Variants in FAT1 observed in about 807,000 individuals in gnomAD.
The protein encoded by FAT1 is protocadherin Fat 1.
A neutral mutation model predicts 329.8 loss-of-function variants in FAT1; 171 were observed. That is an observed-to-expected ratio of 0.52 (90% CI 0.46 to 0.59). The LOEUF (loss-of-function observed/expected upper bound fraction) is 0.59. Ranked by LOEUF, FAT1 falls within the 20% of genes least tolerant of loss-of-function variation. The pLI, the probability that FAT1 is intolerant of heterozygous loss-of-function variation, is 0.00. For synonymous variants in FAT1, 2,233 were observed against 2,228.6 expected, an observed-to-expected ratio of 1.00 and a Z score of -0.06; for missense variants, 5,672 against 5,774.4, an observed-to-expected ratio of 0.98 and a Z score of 0.57.
In FAT1 at chr4:186,708,705, C is replaced by G. The variant is rs1744780030; in HGVS notation, c.1123G>C (p.Glu375Gln). ...VKFEKDVYRA[E>Q]ISEFAPPNTP... ...TTGGGAGGAGCAAATTCACTTATTT[C>G]TGCTCTGTAAACATCCTTTTCAAAC... The change falls in exon 2 of 27, where the codon GAA becomes CAA. Residue 375 changes from glutamate to glutamine, a missense_variant. Glu to Gln is a conservative substitution (Grantham distance 29, BLOSUM62 2). Coordinates refer to ENST00000441802, the MANE Select transcript of FAT1 (RefSeq NM_005245.4). 6.2e-7 allele frequency: 1 copy of G among 1,613,908 alleles called. No homozygotes were observed. Among genetic ancestry groups the G allele is most frequent in the Non-Finnish European group, 8.5e-7 (1 of 1,179,882 alleles).
At chr4:186,689,799 G>A (rs1354930811) in intron 2 of FAT1, among the ~76,000 whole-genome samples, 9 of 152,068 alleles carry the variant, frequency 5.9e-5, no homozygotes, top group Non-Finnish European at 1.3e-4. Flanking sequence ...CACACGACTC[G>A]ACTCCGCACA....
intron 1 of FAT1, among the ~76,000 whole-genome samples, chr4:186,715,010 G>A (rs1264922216): frequency 2.0e-5 from 3 of 152,114 alleles, no homozygotes; most frequent in Admixed American, 6.5e-5. Flanking sequence ...CAAGGGAGAC[G>A]GAGGTTGCAC....
chr4:186,657,194 G>A (rs998542267), intron 3 of FAT1, among the ~76,000 whole-genome samples: 4 of 152,192 alleles, frequency 2.6e-5, no homozygotes, highest in Non-Finnish European at 5.9e-5. Flanking sequence ...AATGTTCACA[G>A]CGGATTTACA....
chr4:186,603,688 T>C lies in FAT1; in HGVS notation c.10838A>G (p.Asn3613Ser), dbSNP rs1738939724. 20 of 1,613,872 alleles carry C rather than the reference T, an allele frequency of 1.2e-5. No individual in the cohort carries two copies. Among genetic ancestry groups the C allele is most frequent in the South Asian group, 3.3e-5 (3 of 91,082 alleles). The change falls in exon 19 of 27, where the codon AAT becomes AGT. Residue 3613 changes from asparagine (N) to serine (S), a missense_variant. Around this residue, in one of 2 missense-constraint regions of FAT1, gnomAD observed 1,706 missense variants for 1,859.1 expected, o/e 0.92. Coordinates refer to ENST00000441802, the MANE Select transcript of FAT1 (RefSeq NM_005245.4). ...KKLDIGQYLL[N>S]VSVTDGKFTT... is the part of the protein sequence containing the mutation. ...GAACTTCCCATCTGTTACGCTGACA[T>C]TGAGAAGGTATTGCCCTATGTCTAG...
Position 186,618,637 on chromosome 4 carries a change from T to C in FAT1, c.7949A>G (p.Lys2650Arg), listed in dbSNP as rs1278712986. 1 of 1,613,940 alleles carries C rather than the reference T, an allele frequency of 6.2e-7. No individual in the cohort carries two copies. Among genetic ancestry groups the C allele is most frequent in the African/African-American group, 1.3e-5 (1 of 74,938 alleles). Residue 2650 changes from lysine (K) to arginine (R), a missense_variant, in exon 10 of 27, where the codon AAA (lysine) becomes AGA (arginine). By Grantham distance (26) the Lys-to-Arg change is conservative (BLOSUM62 2). Transcript: ENST00000441802. ...CTTTGTAGTGATTACGCCGGACAGTTTGTTAATTTCCAAATTCTCTTTTAC... is the reference window on the plus strand; with the variant it reads ...CTTTGTAGTGATTACGCCGGACAGTCTGTTAATTTCCAAATTCTCTTTTAC... The part of the protein sequence containing the change: ...ESVKENLEIN[K>R]LSGVITTKES...
At chr4:186,627,981 TAA>T (rs146547583) in intron 9 of FAT1, among the ~76,000 whole-genome samples, 171 bp downstream of exon 9, 1 of 146,372 alleles carries the variant, frequency 6.8e-6, no homozygotes. Context: ...GGCTAAAAGT[TAA>T]AAAAAAAAAA....
chr4:186,589,359 G>C, intron 26 of FAT1, 139 bp from the exon 27 acceptor site: 1 of 981,856 alleles, frequency 1.0e-6, no homozygotes, highest in Non-Finnish European at 1.5e-6. Context: ...GAAATTCCTC[G>C]TCTTTGCTTT....
chr4:186,721,983 C>T (rs963438004), intron 1 of FAT1, among the ~76,000 whole-genome samples: 1 of 152,148 alleles, frequency 6.6e-6, no homozygotes, highest in Non-Finnish European at 1.5e-5. Flanking sequence ...GGATTACAGG[C>T]ATGCACCACC....
chr4:186,681,580 C>T (rs1743207145), intron 2 of FAT1, among the ~76,000 whole-genome samples: 1 of 152,182 alleles, frequency 6.6e-6, no homozygotes, highest in African/African-American at 2.4e-5. Context: ...TAGCAGTGCT[C>T]TAAAGTGAAA....
At chr4:186,635,148 C>T (rs1740768444) in intron 6 of FAT1, among the ~76,000 whole-genome samples, 1 of 152,168 alleles carries the variant, frequency 6.6e-6, no homozygotes. Flanking sequence ...GCCTGACATG[C>T]CCAGTGGTCT....
intron 7 of FAT1, among the ~76,000 whole-genome samples, chr4:186,631,664 C>T (rs939463679): frequency 1.3e-5 from 2 of 151,230 alleles, no homozygotes; most frequent in Non-Finnish European, 2.9e-5. Flanking sequence ...CCTAGTCTCT[C>T]GCCGCCCAGC....
intron 3 of FAT1, among the ~76,000 whole-genome samples, chr4:186,660,456 C>T (rs1374866481): frequency 6.6e-6 from 1 of 152,204 alleles, no homozygotes; most frequent in Non-Finnish European, 1.5e-5. Context: ...GACTTCTTTA[C>T]TAACCACAGA....
chr4:186,609,302 C>A lies in FAT1; in HGVS notation c.10087G>T (p.Asp3363Tyr). ...SVITVMADDA[D>Y]GPSNSHIHYS... ...TGGATGTGGCTGTTGGAAGGTCCAT[C>A]GGCATCATCGGCCATAACCTAGAAC... Residue 3363 changes from aspartate (D) to tyrosine (Y), a missense_variant, in exon 16 of 27, where the codon GAT (aspartate) becomes TAT (tyrosine). Coordinates refer to ENST00000441802, the MANE Select transcript of FAT1 (RefSeq NM_005245.4). 6.2e-7 allele frequency: 1 copy of A among 1,613,982 alleles called. No individual in the cohort carries two copies. The highest frequency in any genetic ancestry group is 8.5e-7 in the Non-Finnish European group (1 of 1,179,882).
chr4:186,599,426 C>G (rs1738687021), intron 22 of FAT1, among the ~76,000 whole-genome samples: 1 of 152,192 alleles, frequency 6.6e-6, no homozygotes, highest in Non-Finnish European at 1.5e-5. Flanking sequence ...GGCTTCAAGA[C>G]AGACAGATAT....
At position 186,597,162 on chromosome 4, in the gene FAT1, A is replaced by T. The variant is rs947097391; in HGVS notation, c.12378T>A (p.Ser4126Arg). The T allele has an allele frequency of 3.7e-6, 6 of 1,603,502 alleles. No homozygotes were observed. Among genetic ancestry groups the T allele is most frequent in the Non-Finnish European group, 5.1e-6 (6 of 1,174,520 alleles). Residue 4126 changes from serine (S) to arginine (R), a missense_variant, in exon 25 of 27, where the codon AGT becomes AGA. This residue lies in a region of FAT1 where 1,706 missense variants were observed against 1,859.1 expected (regional missense o/e 0.92). Coordinates refer to ENST00000441802, the MANE Select transcript of FAT1 (RefSeq NM_005245.4). ...DSGFRGERCQ[S>R]DIDECSGNPC... ...GGTTTCCAGAGCACTCGTCGATATC[A>T]CTCTGACACCTGCCAAGGAAGTCAG...
intron 3 of FAT1, among the ~76,000 whole-genome samples, chr4:186,650,863 G>T (rs2126593947): frequency 6.6e-6 from 1 of 152,178 alleles, no homozygotes; most frequent in South Asian, 2.1e-4. Flanking sequence ...TTGAAAGAGA[G>T]CTTGCTCTGA....
intron 3 of FAT1, among the ~76,000 whole-genome samples, chr4:186,645,197 C>T (rs990501057): frequency 2.3e-4 from 35 of 151,516 alleles, no homozygotes; most frequent in African/African-American, 8.2e-4. Context: ...ACCAGCCAAG[C>T]CTGCACAAGA....
At chr4:186,705,047 C>T (rs1025560370) in intron 2 of FAT1, among the ~76,000 whole-genome samples, 5 of 150,092 alleles carry the variant, frequency 3.3e-5, no homozygotes, top group East Asian at 2.0e-4. Flanking sequence ...TGGACTCAAG[C>T]CATCCTCCCA....
chr4:186,689,645 G>A (rs903457747), intron 2 of FAT1, among the ~76,000 whole-genome samples: 2 of 152,130 alleles, frequency 1.3e-5, no homozygotes, highest in African/African-American at 2.4e-5. Flanking sequence ...TAAATTTTCA[G>A]CAACACCAGT....
Sources: allele counts gnomAD v4.1 joint callset (sites outside exome capture counted in the v4.1 genomes callset), GRCh38; gene constraint gnomAD v4.1.1; regional missense constraint gnomAD v4.1.1; transcripts MANE v1.5; gene names NCBI Gene and HGNC (gene_info 2026-07-23, HGNC 2026-07-21).